The following KIF5C variants were observed in gnomAD, a reference collection of about 807,000 sequenced individuals.
KIF5C encodes the protein kinesin heavy chain isoform 5C.
In KIF5C, 18 loss-of-function variants were observed where a neutral mutation model predicts 125.2. The ratio of observed to expected loss-of-function variants is 0.14; its 90% CI spans 0.10 to 0.21. The LOEUF (loss-of-function observed/expected upper bound fraction) is 0.21, where lower values mean the gene tolerates loss of function less well. KIF5C is among the 10% of genes least tolerant of loss of function. The pLI is 1.00. For synonymous variants in KIF5C, 405 were observed against 434.0 expected (o/e 0.93, Z 0.83); for missense variants, 780 against 1,183.8 (o/e 0.66, Z 5.01).
chr2:148,967,995 C>T (rs964092751), intron 11 of KIF5C, among the ~76,000 whole-genome samples: 3 of 152,114 alleles, frequency 2.0e-5, no homozygotes, highest in African/African-American at 7.2e-5. Flanking sequence ...GCATGGCTTC[C>T]TGTTGCTGCC....
At chr2:148,962,141 G>T in intron 11 of KIF5C, 22 bp downstream of exon 11, 1 of 1,584,340 alleles carries the variant, frequency 6.3e-7, no homozygotes, top group Non-Finnish European at 8.6e-7. Context: ...TAAGGAGGAA[G>T]AGTGAGGCAT....
At chr2:149,002,331 T>G (rs1036230726) in intron 21 of KIF5C, among the ~76,000 whole-genome samples, 10 of 152,074 alleles carry the variant, frequency 6.6e-5, no homozygotes, top group Non-Finnish European at 1.2e-4. Context: ...CACTCACACC[T>G]ACAACTCAAG....
rs767181875 is a variant in KIF5C, at chr2:148,998,517, G to T, written c.2210+8G>T. ...CATTGATGAGATTCGGGAGTGAGTC[G>T]GCCCAGGGCACCAGGGGTGTGGGGG... On this transcript the variant is annotated splice_region_variant and intron_variant, in intron 19 of 25. Coordinates refer to ENST00000435030, the MANE Select transcript of KIF5C (RefSeq NM_004522.3). 2 of 1,552,896 alleles carry T rather than the reference G, an allele frequency of 1.3e-6. No homozygotes were observed. Among genetic ancestry groups the T allele is most frequent in the South Asian group, 2.4e-5 (2 of 84,066 alleles).
chr2:148,996,803 A>C (rs1681687033), intron 17 of KIF5C, among the ~76,000 whole-genome samples: 1 of 152,154 alleles, frequency 6.6e-6, no homozygotes, highest in South Asian at 2.1e-4. Flanking sequence ...ATAAACGCCT[A>C]CCCATGGGAG....
chr2:148,952,386 G>A (rs1682685926), intron 10 of KIF5C, among the ~76,000 whole-genome samples: 2 of 152,150 alleles, frequency 1.3e-5, no homozygotes, highest in Admixed American at 1.3e-4. Flanking sequence ...GTTATCAGGA[G>A]GTATTTGCAG....
chr2:148,987,410 G>A (rs531791991), intron 15 of KIF5C, among the ~76,000 whole-genome samples: 7 of 152,316 alleles, frequency 4.6e-5, no homozygotes, highest in South Asian at 2.1e-4. Flanking sequence ...GTGGTCTCTC[G>A]TTGGGGAAGG....
At chr2:149,009,297 A>G (rs1419545923) in intron 23 of KIF5C, among the ~76,000 whole-genome samples, 1 of 151,988 alleles carries the variant, frequency 6.6e-6, no homozygotes, top group Non-Finnish European at 1.5e-5. Context: ...GCTGAAATGC[A>G]TTATCTTATT....
At chr2:148,880,445 A>G (rs1681313963) in intron 1 of KIF5C, among the ~76,000 whole-genome samples, 1 of 152,194 alleles carries the variant, frequency 6.6e-6, no homozygotes, top group Admixed American at 6.5e-5. Flanking sequence ...TATGATTATG[A>G]ATAAAGCTGC....
intron 10 of KIF5C, among the ~76,000 whole-genome samples, chr2:148,950,758 A>C (rs1379992863): frequency 6.6e-6 from 1 of 151,888 alleles, no homozygotes; most frequent in Non-Finnish European, 1.5e-5. Context: ...GCAGTGAGCC[A>C]AGATCATACC....
intron 1 of KIF5C, among the ~76,000 whole-genome samples, chr2:148,881,622 G>A (rs112937214): frequency 2.0e-5 from 3 of 151,742 alleles, no homozygotes; most frequent in African/African-American, 4.8e-5. Flanking sequence ...TGTCTGGCCC[G>A]ACTCCCCTAT....
rs78753426 is a variant in KIF5C at position 148,880,833 on chromosome 2, G to A, written c.126+5090G>A. 7.0e-3 allele frequency among the ~76,000 whole-genome samples: 1,062 copies of A among 152,102 alleles called. 6 individuals are homozygous for A. The highest frequency in any genetic ancestry group is 0.024 in the African/African-American group (982 of 41,478). The stretch of plus-strand genomic sequence containing the variant: ...ACATCATAGAGAGCTGTAATCTGGC[G>A]TGTGTCACTGAGGCCACTCACTATT... On this transcript the variant is annotated intron_variant, in intron 1 of 25. Coordinates refer to ENST00000435030, the MANE Select transcript of KIF5C (RefSeq NM_004522.3).
At chr2:148,948,432 G>C (rs1308628986) in intron 8 of KIF5C, among the ~76,000 whole-genome samples, 1 of 152,132 alleles carries the variant, frequency 6.6e-6, no homozygotes, top group Non-Finnish European at 1.5e-5. Flanking sequence ...GGAAATAATG[G>C]AGGATTATTG....
At chr2:148,875,783 C>T (rs761133317) in intron 1 of KIF5C, 40 bp downstream of exon 1, 9 of 1,577,254 alleles carry the variant, frequency 5.7e-6, no homozygotes, top group African/African-American at 1.3e-5. Flanking sequence ...CTGCTCCGCG[C>T]CGCAGCTGGG....
chr2:148,956,996 C>A (rs73965218), intron 10 of KIF5C, among the ~76,000 whole-genome samples: 1 of 152,084 alleles, frequency 6.6e-6, no homozygotes, highest in African/African-American at 2.4e-5. Context: ...ACTTGTTTCT[C>A]TATATCAAAG....
At chr2:148,907,004 G>A (rs915660546) in intron 1 of KIF5C, among the ~76,000 whole-genome samples, 1 of 152,150 alleles carries the variant, frequency 6.6e-6, no homozygotes, top group Non-Finnish European at 1.5e-5. Flanking sequence ...AGACTACAGT[G>A]AACTATGATC....
chr2:148,905,063 G>A (rs540446471), intron 1 of KIF5C, among the ~76,000 whole-genome samples: 167 of 152,280 alleles, frequency 1.1e-3, no homozygotes, highest in Non-Finnish European at 1.9e-3. Flanking sequence ...GAGCTCATTA[G>A]TATTGCTTTG....
At chr2:148,941,568 A>G (rs527779833) in intron 4 of KIF5C, 42 bp from the exon 5 acceptor site, 34 of 1,550,802 alleles carry the variant, frequency 2.2e-5, no homozygotes, top group South Asian at 4.8e-5. Context: ...TTTGAAATAC[A>G]CTGCGGCATG....
At chr2:148,964,320 C>G (rs989049525) in intron 11 of KIF5C, among the ~76,000 whole-genome samples, 2 of 151,806 alleles carry the variant, frequency 1.3e-5, no homozygotes, top group African/African-American at 4.8e-5. Flanking sequence ...TCTGTGCCCT[C>G]TTGGGTGAGA....
chr2:148,890,280 G>T (rs1188014476), intron 1 of KIF5C, among the ~76,000 whole-genome samples: 1 of 152,164 alleles, frequency 6.6e-6, no homozygotes, highest in Non-Finnish European at 1.5e-5. Context: ...GGGAGAAAAG[G>T]TATTCAAGAT....
Sources: gnomAD v4.1 joint callset for allele counts (sites outside exome capture counted in the v4.1 genomes callset) on GRCh38, gnomAD v4.1.1 for gene constraint, MANE v1.5 for transcripts, NCBI Gene and HGNC (gene_info 2026-07-23, HGNC 2026-07-21) for gene names.